The following TRIO variants were observed in gnomAD, a reference collection of about 807,000 sequenced individuals.
TRIO encodes trio Rho guanine nucleotide exchange factor.
In TRIO, 58 loss-of-function variants were observed where a neutral mutation model predicts 351.9. The observed-to-expected ratio is 0.16, with a 90% confidence interval of 0.13 to 0.21. The LOEUF (loss-of-function observed/expected upper bound fraction) is 0.21. Ranked by LOEUF, TRIO falls within the 10% of genes least tolerant of loss-of-function variation. The probability of loss-of-function intolerance (pLI) is 1.00; values close to 1 mark genes in which losing one functional copy is unlikely to be tolerated. For synonymous variants in TRIO, 1,758 were observed against 1,595.7 expected, an observed-to-expected ratio of 1.10 and a Z score of -2.42; for missense variants, 3,201 against 4,027.8, an observed-to-expected ratio of 0.79 and a Z score of 5.56.
chr5:14,312,701 G>A (rs1297806667), intron 8 of TRIO, among the ~76,000 whole-genome samples: 1 of 152,132 alleles, frequency 6.6e-6, no homozygotes, highest in Non-Finnish European at 1.5e-5. Context: ...TCACTCACCT[G>A]GTTCAGTAGT....
Position 14,411,116 on chromosome 5 carries a change from C to G in TRIO, c.4959+4444C>G, listed in dbSNP as rs561425726. Among the ~76,000 whole-genome samples, 6 of 152,276 alleles carry G rather than the reference C, an allele frequency of 3.9e-5. No individual in the cohort carries two copies. The South Asian group carries it at 1.2e-3, about 32-fold the overall frequency. ...TGGGGCACTGCAGGAGATCCAGGCCCTCTGCAAGGCCTCCCAGCAGCAGAG... is the reference window on the plus strand; with the variant it reads ...TGGGGCACTGCAGGAGATCCAGGCCGTCTGCAAGGCCTCCCAGCAGCAGAG... On this transcript the variant is annotated intron_variant, in intron 33 of 56. Transcript: ENST00000344204.
chr5:14,244,800 CTG>C (rs1274683108), intron 1 of TRIO, among the ~76,000 whole-genome samples: 1 of 152,168 alleles, frequency 6.6e-6, no homozygotes, highest in Non-Finnish European at 1.5e-5. Flanking sequence ...CAGGTGGCAT[CTG>C]TGAGGATTGG....
Position 14,255,352 on chromosome 5 carries a change from T to G in TRIO, c.158-15473T>G, listed in dbSNP as rs78792908. 7.7e-3 allele frequency among the ~76,000 whole-genome samples: 1,172 copies of G among 152,350 alleles called. 7 individuals are homozygous for G. The highest frequency in any genetic ancestry group is 0.031 in the Middle Eastern group (9 of 294). ...GTGGATGGGGCTGTTCATGGCAGCA[T>G]TATTTGTAATAGCAAAAATGAGAGA... On this transcript the variant is annotated intron_variant, in intron 1 of 56. Coordinates refer to ENST00000344204, the MANE Select transcript of TRIO (RefSeq NM_007118.4).
chr5:14,469,095 C>A (rs767216029), intron 37 of TRIO, among the ~76,000 whole-genome samples: 2 of 151,578 alleles, frequency 1.3e-5, no homozygotes, highest in Non-Finnish European at 2.9e-5. Flanking sequence ...AAGGGAGAAA[C>A]AAGAAAGAAT....
chr5:14,422,904 C>T (rs968147850), intron 34 of TRIO, among the ~76,000 whole-genome samples: 1 of 152,114 alleles, frequency 6.6e-6, no homozygotes, highest in African/African-American at 2.4e-5. Context: ...GTGGGAGGAT[C>T]GCTTGAGGCC....
chr5:14,159,080 G>C (rs764282903), intron 1 of TRIO, among the ~76,000 whole-genome samples: 1 of 152,148 alleles, frequency 6.6e-6, no homozygotes, highest in Admixed American at 6.5e-5. Flanking sequence ...GTTCTGCCGG[G>C]GGTGGAATCC....
At chr5:14,467,146 T>TC (rs1247002693) in intron 37 of TRIO, among the ~76,000 whole-genome samples, 1 of 152,242 alleles carries the variant, frequency 6.6e-6, no homozygotes, top group African/African-American at 2.4e-5. Flanking sequence ...CATACTTGTT[T>TC]CCCATATTTC....
intron 1 of TRIO, among the ~76,000 whole-genome samples, chr5:14,157,852 G>T (rs577579823): frequency 6.6e-6 from 1 of 152,184 alleles, no homozygotes; most frequent in Admixed American, 6.5e-5. Context: ...TCTCCCAAAG[G>T]CTTGAGATTA....
At chr5:14,234,335 C>T (rs955983495) in intron 1 of TRIO, among the ~76,000 whole-genome samples, 1 of 152,130 alleles carries the variant, frequency 6.6e-6, no homozygotes. Context: ...AAGCTTGTGG[C>T]AAGACCAGTG....
chr5:14,276,620 G>A (rs1459972058), intron 2 of TRIO, among the ~76,000 whole-genome samples: 1 of 152,222 alleles, frequency 6.6e-6, no homozygotes, highest in African/African-American at 2.4e-5. Context: ...AGTTGGGAGT[G>A]GGAGGTTGGA....
intron 1 of TRIO, among the ~76,000 whole-genome samples, chr5:14,269,123 GCTGAA>G (rs1561273310): frequency 6.6e-6 from 1 of 152,148 alleles, no homozygotes. Context: ...CCCATAACTG[GCTGAA>G]TAGTTCCACG....
chr5:14,180,100 CAAAAAAAAAAA>C (rs70964542), intron 1 of TRIO, among the ~76,000 whole-genome samples: 21 of 27,750 alleles, frequency 7.6e-4, no homozygotes, highest in Admixed American at 1.6e-3. Context: ...GACTCCTGCT[CAAAAAAAAAAA>C]AAAAAAAAAA....
chr5:14,225,727 AAC>A (rs1477949369), intron 1 of TRIO, among the ~76,000 whole-genome samples: 4 of 151,616 alleles, frequency 2.6e-5, no homozygotes, highest in Non-Finnish European at 5.9e-5. Context: ...CCTTTTGATG[AAC>A]ACAGAGTCAG....
At chr5:14,302,855 T>A (rs1410104895) in intron 7 of TRIO, among the ~76,000 whole-genome samples, 1 of 152,258 alleles carries the variant, frequency 6.6e-6, no homozygotes, top group Non-Finnish European at 1.5e-5. Flanking sequence ...TGTTGATGTC[T>A]GTTTGGCTTA....
chr5:14,301,784 C>T (rs545072581), intron 7 of TRIO, among the ~76,000 whole-genome samples: 4 of 152,288 alleles, frequency 2.6e-5, no homozygotes, highest in African/African-American at 9.6e-5. Flanking sequence ...ACGGGGATTG[C>T]TGTGCTGGTG....
chr5:14,403,684 G>GGTGGTGAGGGTGTAGGTT (rs1561448683), intron 31 of TRIO, among the ~76,000 whole-genome samples: 2 of 113,150 alleles, frequency 1.8e-5, no homozygotes, highest in African/African-American at 4.3e-5. Flanking sequence ...GGGTGCAGGT[G>GGTGGTGAGGGTGTAGGTT]GTGGTGAGGG....
chr5:14,445,638 TGAGAAGACTA>T (rs1205542342), intron 34 of TRIO, among the ~76,000 whole-genome samples: 1 of 152,242 alleles, frequency 6.6e-6, no homozygotes. Context: ...CCTATCAGCA[TGAGAAGACTA>T]GAATTATTCT....
chr5:14,281,472 T>C (rs1736002620), intron 3 of TRIO, among the ~76,000 whole-genome samples: 1 of 79,740 alleles, frequency 1.3e-5, no homozygotes, highest in Non-Finnish European at 2.5e-5. Context: ...CAGGCCTACC[T>C]CCAACATTGG....
At chr5:14,169,163 C>T (rs1375305204) in intron 1 of TRIO, among the ~76,000 whole-genome samples, 2 of 145,420 alleles carry the variant, frequency 1.4e-5, no homozygotes, top group African/African-American at 2.5e-5. Context: ...TGTTCAACTC[C>T]GTTATATTCT....
Sources: gnomAD v4.1 joint callset for allele counts (sites outside exome capture counted in the v4.1 genomes callset) on GRCh38, gnomAD v4.1.1 for gene constraint, MANE v1.5 for transcripts, NCBI Gene and HGNC (gene_info 2026-07-23, HGNC 2026-07-21) for gene names.